CCDC42: variants seen among roughly 807,000 people sequenced by gnomAD.
CCDC42 encodes the protein coiled-coil domain-containing protein 42.
CCDC42 carries 38 observed loss-of-function variants against 40.8 expected under a neutral mutation model. The ratio of observed to expected loss-of-function variants is 0.93; its 90% CI spans 0.72 to 1.22. CCDC42 has a LOEUF of 1.22. Among genes scored for constraint, CCDC42 ranks in the 50% most tolerant of loss-of-function variants. The pLI, the probability that CCDC42 is intolerant of heterozygous loss-of-function variation, is 0.00. For missense variants in CCDC42, 379 were observed against 416.5 expected, an observed-to-expected ratio of 0.91 and a Z score of 0.78; for synonymous variants, 135 against 157.5, an observed-to-expected ratio of 0.86 and a Z score of 1.07.
intron 6 of CCDC42, among the ~76,000 whole-genome samples, chr17:8,730,808 G>GA (rs1555631505): frequency 6.6e-6 from 1 of 152,148 alleles, no homozygotes; most frequent in African/African-American, 2.4e-5. Flanking sequence ...AAGCAGGAGG[G>GA]ATAAGAAAGA....
Position 8,741,469 on chromosome 17 carries a change from C to T in CCDC42, c.492+5G>A, listed in dbSNP as rs1472780332. 1.2e-6 allele frequency: 2 copies of T among 1,613,890 alleles called. No homozygotes were observed. The highest frequency in any genetic ancestry group is 2.2e-5 in the East Asian group (1 of 44,884). ...AGGGCCGGCCCCCCTGCTCCTTGGA[C>T]TCACCTCGGAGTTCTCCACCACCTT... is the stretch of plus-strand genomic sequence containing the variant. On this transcript the variant is annotated splice_donor_5th_base_variant and intron_variant, in intron 4 of 6. Transcript: ENST00000293845.
intron 6 of CCDC42, among the ~76,000 whole-genome samples, chr17:8,733,094 C>G (rs2086590544): frequency 6.6e-6 from 1 of 152,010 alleles, no homozygotes; most frequent in Admixed American, 6.6e-5. Context: ...TCGGAGGAAA[C>G]CTTATTTTTT....
At chr17:8,733,040 A>G (rs1050996956) in intron 6 of CCDC42, among the ~76,000 whole-genome samples, 1 of 152,146 alleles carries the variant, frequency 6.6e-6, no homozygotes, top group Admixed American at 6.6e-5. Flanking sequence ...AGCCTCATCG[A>G]GAAATTTCAG....
chr17:8,736,807 T>A (rs949459595), intron 4 of CCDC42, among the ~76,000 whole-genome samples: 4 of 151,680 alleles, frequency 2.6e-5, no homozygotes, highest in Non-Finnish European at 5.9e-5. Context: ...GTGCTACAGG[T>A]GAAGGAGACA....
Position 8,741,522 on chromosome 17 carries a change from G to A in CCDC42, c.444C>T (p.Asp148=), listed in dbSNP as rs1344588626. 1 of 1,614,224 alleles carries A rather than the reference G, an allele frequency of 6.2e-7. No homozygotes were observed. Among genetic ancestry groups the A allele is most frequent in the Non-Finnish European group, 8.5e-7 (1 of 1,180,046 alleles). ...CTAGGTACTTGTTGAAGATGTAGTA[G>A]TCCTTCAGCTTGGCGCTCAGCCGCT... ...EHQRLSAKLK[D]YYIFNKYLEK... is the part of the protein sequence containing the mutation. The change falls in exon 4 of 7, where the codon GAC becomes GAT. Residue 148 remains aspartate, a synonymous_variant. Transcript: ENST00000293845.
intron 4 of CCDC42, among the ~76,000 whole-genome samples, chr17:8,738,414 TAA>T (rs2086623832): frequency 6.6e-6 from 1 of 151,846 alleles, no homozygotes; most frequent in African/African-American, 2.4e-5. Flanking sequence ...AAATTCCGTA[TAA>T]AAAGTTACAA....
rs1459955869 is a variant in CCDC42, at chr17:8,744,757, AC to A, written c.-149del. On this transcript the variant is annotated 5_prime_UTR_variant, in exon 1 of 7. Coordinates refer to ENST00000293845, the MANE Select transcript of CCDC42 (RefSeq NM_144681.3). The stretch of plus-strand genomic sequence containing the variant: ...CACAGATGATGGAGTTTGAGACTCC[AC>A]AGAAGGTGGCTGGAGACAGGTTGGG... The A allele has an allele frequency of 2.8e-5, 18 of 647,470 alleles. No homozygotes were observed. In the African/African-American group the frequency reaches 2.9e-4, roughly 10 times the overall value. The allele number at this position is 647,470 out of a possible 1,614,324, so 40.1% of individuals were successfully genotyped here.
rs2086571006 is a variant in CCDC42 at position 8,730,163 on chromosome 17, C to T, written c.918G>A (p.Val306=). The part of the protein sequence containing the change: ...IQDRSDIWAE[V]KKKEQQRVRI Reference sequence around the variant, plus strand: ...GGACTCGCTGTTGTTCCTTCTTTTTCACCTCTGCCCAGATGTCCGACCGGT... The same window carrying T: ...GGACTCGCTGTTGTTCCTTCTTTTTTACCTCTGCCCAGATGTCCGACCGGT... The change falls in exon 7 of 7, where the codon GTG becomes GTA. Residue 306 remains valine, a synonymous_variant. Coordinates refer to ENST00000293845, the MANE Select transcript of CCDC42 (RefSeq NM_144681.3). The T allele has an allele frequency of 1.9e-6, 3 of 1,613,990 alleles. No homozygotes were observed. The highest frequency in any genetic ancestry group is 2.5e-6 in the Non-Finnish European group (3 of 1,179,922).
chr17:8,735,120 C>G lies in CCDC42; in HGVS notation c.849G>C (p.Glu283Asp), dbSNP rs1029383635. 6.2e-7 allele frequency: 1 copy of G among 1,614,072 alleles called. No homozygotes were observed. The highest frequency in any genetic ancestry group is 1.3e-5 in the African/African-American group (1 of 74,920). ...CCATGTCCAGCTGCTTGTGGGTGTC[C>G]TCCAGTGCCACCTCAGTCACCTCCT... is the stretch of plus-strand genomic sequence containing the variant. ...HLKEVTEVAL[E>D]DTHKQLDMIQ... Residue 283 changes from glutamate (E) to aspartate (D), a missense_variant, in exon 6 of 7, where the codon GAG becomes GAC. Physicochemically the swap from Glu to Asp is conservative, Grantham distance 45 (BLOSUM62 2). Coordinates refer to ENST00000293845, the MANE Select transcript of CCDC42 (RefSeq NM_144681.3). This position sits in a 1 kb window ranked among gnomAD's most constrained non-coding sequence, Gnocchi z 4.7.
At chr17:8,731,493 A>G (rs1349228312) in intron 6 of CCDC42, among the ~76,000 whole-genome samples, 1 of 152,234 alleles carries the variant, frequency 6.6e-6, no homozygotes, top group African/African-American at 2.4e-5. Context: ...AGCAAAGAGA[A>G]TCAACCTAAA....
chr17:8,730,426 G>A (rs140175113), intron 6 of CCDC42, among the ~76,000 whole-genome samples: 249 of 152,276 alleles, frequency 1.6e-3, no homozygotes, highest in African/African-American at 5.8e-3. Context: ...TGCAACCTCC[G>A]CTTCCTGGGT....
intron 6 of CCDC42, among the ~76,000 whole-genome samples, chr17:8,730,935 A>G (rs1331297927): frequency 2.0e-5 from 3 of 152,224 alleles, no homozygotes; most frequent in Non-Finnish European, 4.4e-5. Context: ...TTCGAAACCC[A>G]GAGCTGATGC....
At chr17:8,731,648 G>C (rs2086580733) in intron 6 of CCDC42, among the ~76,000 whole-genome samples, 1 of 152,178 alleles carries the variant, frequency 6.6e-6, no homozygotes, top group Admixed American at 6.5e-5. Context: ...ACTAACGCAG[G>C]AACAGAAAAC....
At chr17:8,739,361 C>T (rs2086628555) in intron 4 of CCDC42, among the ~76,000 whole-genome samples, 2 of 152,182 alleles carry the variant, frequency 1.3e-5, no homozygotes, top group African/African-American at 2.4e-5. Flanking sequence ...TTCACCAGCA[C>T]AGGTCGTCGC....
Position 8,735,131 on chromosome 17 carries a change from C to T in CCDC42, c.838G>A (p.Val280Met), listed in dbSNP as rs1187604896. The change falls in exon 6 of 7, where the codon GTG becomes ATG. Residue 280 changes from valine (V) to methionine (M), a missense_variant. Transcript: ENST00000293845. This position sits in a 1 kb window ranked among gnomAD's most constrained non-coding sequence, Gnocchi z 4.7. Reference protein sequence around the residue: ...VSKHLKEVTEVALEDTHKQLD... With the variant: ...VSKHLKEVTEMALEDTHKQLD... ...TGCTTGTGGGTGTCCTCCAGTGCCA[C>T]CTCAGTCACCTCCTTCAGGTGCTTG... 1 of 1,614,218 alleles carries T rather than the reference C, an allele frequency of 6.2e-7. No individual in the cohort carries two copies. The highest frequency in any genetic ancestry group is 1.1e-5 in the South Asian group (1 of 91,088).
At position 8,736,893 on chromosome 17, in the gene CCDC42, G is replaced by A. The variant is rs549074304; in HGVS notation, c.493-1282C>T. On this transcript the variant is annotated intron_variant, in intron 4 of 6. Coordinates refer to ENST00000293845, the MANE Select transcript of CCDC42 (RefSeq NM_144681.3). ...GGTAGCCTGAGTTCAAGATGGGGAG[G>A]GAGAGACTGAGAAGAAGAAGAAAGG... 2.6e-5 allele frequency among the ~76,000 whole-genome samples: 4 copies of A among 151,290 alleles called. No individual in the cohort carries two copies. In the East Asian group the frequency reaches 5.8e-4, roughly 22 times the overall value.
In CCDC42 at chr17:8,735,257, G is replaced by A; in HGVS notation, c.715-3C>T. On this transcript the variant is annotated splice_polypyrimidine_tract_variant and splice_region_variant and intron_variant, in intron 5 of 6. Coordinates refer to ENST00000293845, the MANE Select transcript of CCDC42 (RefSeq NM_144681.3). This position sits in a 1 kb window ranked among gnomAD's most constrained non-coding sequence, Gnocchi z 4.7. ...TGGATGTGCGCCCAGCGAGATTCCT[G>A]GAGAGTGGATAAGGACGGGGCATGA... The A allele has an allele frequency of 2.5e-6, 4 of 1,614,156 alleles. No homozygotes were observed. The highest frequency in any genetic ancestry group is 2.2e-5 in the South Asian group (2 of 91,086).
At chr17:8,744,253 C>A in intron 1 of CCDC42, 69 bp from the exon 2 acceptor site, 1 of 1,199,820 alleles carries the variant, frequency 8.3e-7, no homozygotes. Flanking sequence ...GGGAGTAACC[C>A]GTGGAGACAG....
At chr17:8,740,029 G>A (rs1462964619) in intron 4 of CCDC42, among the ~76,000 whole-genome samples, 2 of 152,162 alleles carry the variant, frequency 1.3e-5, no homozygotes, top group African/African-American at 2.4e-5. Context: ...TGGAAATTGT[G>A]GGACCTTTAA....
Sources: gnomAD v4.1 joint callset for allele counts (sites outside exome capture counted in the v4.1 genomes callset) on GRCh38, gnomAD v4.1.1 for gene constraint, Gnocchi (gnomAD v3.1) non-coding constraint, MANE v1.5 for transcripts, NCBI Gene and HGNC (gene_info 2026-07-23, HGNC 2026-07-21) for gene names.